The following ADAM28 variants were observed in gnomAD, a reference collection of about 807,000 sequenced individuals.
ADAM28 encodes disintegrin and metalloproteinase domain-containing protein 28.
In ADAM28, 105 loss-of-function variants were observed where a neutral mutation model predicts 101.2. The observed-to-expected ratio is 1.04, with a 90% confidence interval of 0.89 to 1.22. The LOEUF is 1.22. Ranked by LOEUF, ADAM28 falls within the 50% of genes most tolerant of loss-of-function variation. The probability of loss-of-function intolerance (pLI) is 0.00; values close to 1 mark genes in which losing one functional copy is unlikely to be tolerated. For missense variants in ADAM28, 1,028 were observed against 945.4 expected (o/e 1.09, Z -1.15); for synonymous variants, 322 against 310.6 (o/e 1.04, Z -0.39).
At chr8:24,315,392 G>C (rs916127823) in intron 6 of ADAM28, among the ~76,000 whole-genome samples, 10 of 151,940 alleles carry the variant, frequency 6.6e-5, no homozygotes, top group African/African-American at 2.4e-4. Flanking sequence ...AAAATTATTT[G>C]TCAATAAATT....
chr8:24,310,367 C>T, intron 4 of ADAM28, 126 bp downstream of exon 4: 1 of 727,282 alleles, frequency 1.4e-6, no homozygotes, highest in East Asian at 3.0e-5. Flanking sequence ...TCAGCAGTAG[C>T]CATTACTTAA....
At chr8:24,345,711 C>A (rs1815326876) in intron 18 of ADAM28, among the ~76,000 whole-genome samples, 1 of 151,934 alleles carries the variant, frequency 6.6e-6, no homozygotes. Flanking sequence ...TCAACCGATG[C>A]TTTTTCTTTA....
intron 9 of ADAM28, 77 bp downstream of exon 9, chr8:24,324,080 G>A: frequency 7.0e-7 from 1 of 1,435,102 alleles, no homozygotes; most frequent in Non-Finnish European, 9.6e-7. Context: ...AAAGTGAGGG[G>A]TGCACATAGA....
chr8:24,310,219 TCAC>T lies in ADAM28; in HGVS notation c.288_290del (p.Thr97del), dbSNP rs770266341. 6.2e-7 allele frequency: 1 copy of T among 1,613,392 alleles called. No homozygotes were observed. Among genetic ancestry groups the T allele is most frequent in the African/African-American group, 1.3e-5 (1 of 74,984 alleles). ...TATTATAATTCCACTGGAAAGGAGA[TCAC>T]CACAAGCCCACAAATTATGGTATAA... On this transcript the variant is annotated inframe_deletion, in exon 4 of 23. Coordinates refer to ENST00000265769, the MANE Select transcript of ADAM28 (RefSeq NM_014265.6).
chr8:24,349,424 C>G (rs970194474), intron 18 of ADAM28, among the ~76,000 whole-genome samples: 1 of 152,188 alleles, frequency 6.6e-6, no homozygotes, highest in Non-Finnish European at 1.5e-5. Flanking sequence ...TATTTGTCTT[C>G]TTAGTCACAC....
chr8:24,313,258 A>G, intron 5 of ADAM28, 130 bp from the exon 6 acceptor site: 2 of 777,200 alleles, frequency 2.6e-6, no homozygotes, highest in Non-Finnish European at 4.0e-6. Flanking sequence ...ACTGTATTTT[A>G]TTGCCATGAG....
At chr8:24,305,293 G>A (rs929820447) in intron 2 of ADAM28, among the ~76,000 whole-genome samples, 3 of 151,788 alleles carry the variant, frequency 2.0e-5, no homozygotes, top group Non-Finnish European at 2.9e-5. Context: ...GTATTATAAA[G>A]TTTAGCTACT....
chr8:24,351,996 A>G lies in ADAM28; in HGVS notation c.2188A>G (p.Met730Val). The part of the protein sequence containing the change: ...KAVQPQEMSQ[M>V]KPHVYDLPVE... The stretch of plus-strand genomic sequence containing the variant: ...TCGTTCTTCTTTTCAGATGAGTCAG[A>G]TGAAGCCCCATGTGTATGATCTGCC... The change falls in exon 21 of 23, where the codon ATG becomes GTG. Residue 730 changes from methionine to valine, a missense_variant. Met to Val is a conservative substitution (Grantham distance 21). Transcript: ENST00000265769. The G allele has an allele frequency of 6.2e-7, 1 of 1,613,650 alleles. No homozygotes were observed. The highest frequency in any genetic ancestry group is 8.5e-7 in the Non-Finnish European group (1 of 1,179,686).
chr8:24,324,067 G>A (rs1313715050), intron 9 of ADAM28, 64 bp downstream of exon 9: 1 of 1,509,952 alleles, frequency 6.6e-7, no homozygotes, highest in Non-Finnish European at 9.1e-7. Context: ...TCTGAGCCTT[G>A]GCAAAGTGAG....
At position 24,349,865 on chromosome 8, in the gene ADAM28, C is replaced by CTTCTCCATTGTGGTTG. The variant is rs1228523752; in HGVS notation, c.1993_2008dup (p.Gly670ValfsTer72). ...GCGGGCCCCTGTTCTCTGCTGCAGACTTCTCCATTGTGGTTGGGGTGCTGT... is the reference window on the plus strand; with the variant it reads ...GCGGGCCCCTGTTCTCTGCTGCAGACTTCTCCATTGTGGTTGTTCTCCATTGTGGTTGGGGTGCTGT... On this transcript the variant is annotated frameshift_variant and splice_region_variant, in exon 19 of 23. Coordinates refer to ENST00000265769, the MANE Select transcript of ADAM28 (RefSeq NM_014265.6). LOFTEE classifies it high-confidence loss of function. The CTTCTCCATTGTGGTTG allele has an allele frequency of 1.9e-6, 3 of 1,613,378 alleles. No individual in the cohort carries two copies. The African/African-American group carries it at 4.0e-5, about 22-fold the overall frequency.
In ADAM28 at chr8:24,357,953, TGTCA is replaced by T. The variant is rs1236842454; in HGVS notation, c.*3553_*3556del. Reference sequence around the variant, plus strand: ...AATTACTGGTTTTTATATTCTGTACTGTCAGTCCTCCTGTTCACTAATTTCAAAA... The same window carrying T: ...AATTACTGGTTTTTATATTCTGTACTGTCCTCCTGTTCACTAATTTCAAAA... On this transcript the variant is annotated 3_prime_UTR_variant, in exon 23 of 23. Coordinates refer to ENST00000265769, the MANE Select transcript of ADAM28 (RefSeq NM_014265.6). The T allele has an allele frequency of 2.0e-5, 3 of 152,136 alleles. No individual in the cohort carries two copies. Among genetic ancestry groups the T allele is most frequent in the Non-Finnish European group, 4.4e-5 (3 of 68,020 alleles). 9.4% of individuals were successfully genotyped at this position (152,136 alleles called of 1,614,324 possible).
rs140700398 is a variant in ADAM28, at chr8:24,309,792, G to A, written c.151-102G>A. On this transcript the variant is annotated intron_variant, in intron 2 of 22. Coordinates refer to ENST00000265769, the MANE Select transcript of ADAM28 (RefSeq NM_014265.6). ...AGAGGCAAGTATTTGGTATTATACTGCTAAAAAATAGATATTGCTTGCTAA... is the reference window on the plus strand; with the variant it reads ...AGAGGCAAGTATTTGGTATTATACTACTAAAAAATAGATATTGCTTGCTAA... 256 of 875,674 alleles carry A rather than the reference G, an allele frequency of 2.9e-4. No homozygotes were observed. The East Asian group carries it at 6.1e-3, about 21-fold the overall frequency. The allele number at this position is 875,674 out of a possible 1,614,324, so 54.2% of individuals were successfully genotyped here. A position where few individuals can be genotyped will look rare whatever the true frequency, so the allele number is the denominator to read the frequency against.
At chr8:24,324,094 G>A in intron 9 of ADAM28, 91 bp downstream of exon 9, 2 of 1,254,646 alleles carry the variant, frequency 1.6e-6, no homozygotes, top group Non-Finnish European at 2.2e-6. Context: ...ACATAGAGGG[G>A]TAGACATTTA....
At chr8:24,349,067 A>C (rs992903831) in intron 18 of ADAM28, among the ~76,000 whole-genome samples, 37 of 151,996 alleles carry the variant, frequency 2.4e-4, no homozygotes, top group African/African-American at 7.3e-4. Flanking sequence ...TGATGTGTCT[A>C]CCTCTATCTG....
intron 18 of ADAM28, among the ~76,000 whole-genome samples, chr8:24,347,623 C>T (rs1815561508): frequency 6.6e-6 from 1 of 152,030 alleles, no homozygotes; most frequent in Non-Finnish European, 1.5e-5. Flanking sequence ...TGTTAAAATA[C>T]CCCCCACTGT....
At chr8:24,296,002 G>A (rs1807914246) in intron 1 of ADAM28, 1 of 152,172 alleles carries the variant, frequency 6.6e-6, no homozygotes, top group South Asian at 2.1e-4. Flanking sequence ...AATAAGGCTG[G>A]TTGTGTGCAG....
chr8:24,338,022 A>G (rs1814299411), intron 14 of ADAM28, among the ~76,000 whole-genome samples: 1 of 152,232 alleles, frequency 6.6e-6, no homozygotes, highest in South Asian at 2.1e-4. Context: ...AAACATAACC[A>G]AACAACTCCC....
intron 8 of ADAM28, chr8:24,322,609 G>A (rs1183180783): frequency 6.6e-6 from 1 of 152,040 alleles, no homozygotes; most frequent in African/African-American, 2.4e-5. Context: ...AAGGGCAGAA[G>A]GAAGAGAGAT....
At chr8:24,310,570 G>A (rs1252939736) in intron 4 of ADAM28, among the ~76,000 whole-genome samples, 1 of 152,026 alleles carries the variant, frequency 6.6e-6, no homozygotes, top group African/African-American at 2.4e-5. Context: ...CTGGATTTGT[G>A]GTCTCTTCAG....
Sources: allele counts gnomAD v4.1 joint callset (sites outside exome capture counted in the v4.1 genomes callset), GRCh38; gene constraint gnomAD v4.1.1; transcripts MANE v1.5; gene names NCBI Gene and HGNC (gene_info 2026-07-23, HGNC 2026-07-21).